Variants in MEI4 observed in about 807,000 individuals in gnomAD.
The protein encoded by MEI4 is meiosis-specific protein MEI4.
In MEI4, 27 loss-of-function variants were observed where a neutral mutation model predicts 31.4. The ratio of observed to expected loss-of-function variants is 0.86; its 90% CI spans 0.63 to 1.19. The LOEUF is 1.19. Ranked by LOEUF, MEI4 falls within the 50% of genes most tolerant of loss-of-function variation. The pLI, the probability that MEI4 is intolerant of heterozygous loss-of-function variation, is 0.00. For missense variants in MEI4, 329 were observed against 398.9 expected, an observed-to-expected ratio of 0.82 and a Z score of 1.49; for synonymous variants, 122 against 145.4, an observed-to-expected ratio of 0.84 and a Z score of 1.16.
chr6:77,695,227 G>A (rs1001827061), intron 2 of MEI4, among the ~76,000 whole-genome samples: 1 of 152,028 alleles, frequency 6.6e-6, no homozygotes, highest in African/African-American at 2.4e-5. Flanking sequence ...TGTTCACTCT[G>A]ATGGTAGTTT....
At chr6:77,867,268 A>G (rs1021156145) in intron 4 of MEI4, among the ~76,000 whole-genome samples, 1 of 152,218 alleles carries the variant, frequency 6.6e-6, no homozygotes, top group African/African-American at 2.4e-5. Flanking sequence ...AAAAGAAACT[A>G]CCATCAGAGT....
chr6:77,728,546 T>A (rs1393314722), intron 2 of MEI4, among the ~76,000 whole-genome samples: 1 of 152,174 alleles, frequency 6.6e-6, no homozygotes, highest in Admixed American at 6.5e-5. Flanking sequence ...AAAGTAAACC[T>A]GTAAGCAAGA....
At chr6:77,868,518 T>TAC (rs1771113232) in intron 4 of MEI4, among the ~76,000 whole-genome samples, 7 of 137,594 alleles carry the variant, frequency 5.1e-5, no homozygotes, top group African/African-American at 1.6e-4. Flanking sequence ...TATATATATA[T>TAC]ATATATATAT....
At chr6:77,748,950 C>A (rs1469296743) in intron 2 of MEI4, among the ~76,000 whole-genome samples, 11 of 152,150 alleles carry the variant, frequency 7.2e-5, no homozygotes, top group Non-Finnish European at 2.9e-5. Flanking sequence ...TTGCTGTTCT[C>A]CAGCCTCTGC....
intron 3 of MEI4, among the ~76,000 whole-genome samples, chr6:77,787,559 C>G (rs1768776206): frequency 6.6e-6 from 1 of 152,096 alleles, no homozygotes; most frequent in South Asian, 2.1e-4. Flanking sequence ...CAAGAGAAAG[C>G]TTTTATTGGC....
chr6:77,769,497 C>T (rs1383246749), intron 3 of MEI4, among the ~76,000 whole-genome samples: 2 of 152,128 alleles, frequency 1.3e-5, no homozygotes, highest in East Asian at 3.9e-4. Flanking sequence ...ACTTGGAGTG[C>T]ATGGAACCTA....
intron 3 of MEI4, among the ~76,000 whole-genome samples, chr6:77,819,332 GA>G (rs1351818944): frequency 6.6e-6 from 1 of 151,752 alleles, no homozygotes; most frequent in Non-Finnish European, 1.5e-5. Context: ...TTTTCTGAAT[GA>G]TTTTTTTCAC....
intron 4 of MEI4, among the ~76,000 whole-genome samples, chr6:77,918,772 C>T (rs1766628650): frequency 6.6e-6 from 1 of 151,836 alleles, no homozygotes; most frequent in African/African-American, 2.4e-5. Flanking sequence ...CCTTCTCCTG[C>T]CTAATTGCCC....
rs1249224544 is a variant in MEI4 at position 77,820,130 on chromosome 6, G to A, written c.769-8801G>A. 1.3e-5 allele frequency among the ~76,000 whole-genome samples: 2 copies of A among 151,950 alleles called. No homozygotes were observed. Among genetic ancestry groups the A allele is most frequent in the East Asian group, 1.9e-4 (1 of 5,200 alleles). ...GGATATGAGTTGTTTTGATAGAAACGAAACTGAAATATAAAAGTAAGTATT... is the reference window on the plus strand; with the variant it reads ...GGATATGAGTTGTTTTGATAGAAACAAAACTGAAATATAAAAGTAAGTATT... On this transcript the variant is annotated intron_variant, in intron 3 of 4. Coordinates refer to ENST00000684080, the MANE Select transcript of MEI4 (RefSeq NM_001322247.2). This position sits in a 1 kb window ranked among gnomAD's most constrained non-coding sequence, Gnocchi z 4.5.
intron 4 of MEI4, among the ~76,000 whole-genome samples, chr6:77,832,460 A>G (rs879833668): frequency 6.6e-6 from 1 of 152,024 alleles, no homozygotes; most frequent in Non-Finnish European, 1.5e-5. Context: ...TTCAATAATA[A>G]TTATTATCAT....
At position 77,680,115 on chromosome 6, in the gene MEI4, C is replaced by CAAAAA. The variant is rs1220251759; in HGVS notation, c.-14-10533_-14-10529dup. Among the ~76,000 whole-genome samples the CAAAAA allele has an allele frequency of 2.8e-4, 11 of 39,770 alleles. 3 individuals are homozygous for CAAAAA. Among genetic ancestry groups the CAAAAA allele is most frequent in the African/African-American group, 1.2e-3 (10 of 8,210 alleles). The allele number at this position is 39,770 out of a possible 152,430, so 26.1% of individuals were successfully genotyped here. A position where few individuals can be genotyped will look rare whatever the true frequency, so the allele number is the denominator to read the frequency against. Reference sequence around the variant, plus strand: ...TGAAACCCCGTCCCTACTAAAAATACAAAAAAAAAAAAAATTAGCTGGGCG... The same window carrying CAAAAA: ...TGAAACCCCGTCCCTACTAAAAATACAAAAAAAAAAAAAAAAAAATTAGCTGGGCG... On this transcript the variant is annotated intron_variant, in intron 1 of 4. Coordinates refer to ENST00000684080, the MANE Select transcript of MEI4 (RefSeq NM_001322247.2).
rs946717469 is a variant in MEI4 at position 77,761,671 on chromosome 6, TAATA to T, written c.768+10_768+13del. 3.3e-6 allele frequency: 4 copies of T among 1,226,822 alleles called. No individual in the cohort carries two copies. The highest frequency in any genetic ancestry group is 3.1e-6 in the Non-Finnish European group (3 of 983,346). The allele number at this position is 1,226,822 out of a possible 1,614,324, so 76.0% of individuals were successfully genotyped here. ...GAAACAATCATATAAATCAGGTGAGTAATAAATCCCTCTTTTATTCCTAAAATGC... is the reference window on the plus strand; with the variant it reads ...GAAACAATCATATAAATCAGGTGAGTAATCCCTCTTTTATTCCTAAAATGC... On this transcript the variant is annotated splice_region_variant and intron_variant, in intron 3 of 4. Transcript: ENST00000684080.
At chr6:77,736,080 C>A (rs867504874) in intron 2 of MEI4, among the ~76,000 whole-genome samples, 3 of 152,062 alleles carry the variant, frequency 2.0e-5, no homozygotes, top group Non-Finnish European at 2.9e-5. Flanking sequence ...TTACTGCTGT[C>A]TTTTTGTTTG....
At chr6:77,681,118 C>G (rs577774679) in intron 1 of MEI4, among the ~76,000 whole-genome samples, 2 of 152,162 alleles carry the variant, frequency 1.3e-5, no homozygotes, top group Non-Finnish European at 2.9e-5. Context: ...GGCCCTGGCT[C>G]AGCTGGTCCT....
At chr6:77,739,399 T>G (rs995337585) in intron 2 of MEI4, among the ~76,000 whole-genome samples, 2 of 152,148 alleles carry the variant, frequency 1.3e-5, no homozygotes, top group Non-Finnish European at 2.9e-5. Context: ...AGCCATAGAA[T>G]AGAATGAGTT....
intron 2 of MEI4, among the ~76,000 whole-genome samples, chr6:77,741,499 G>A (rs1219935822): frequency 2.0e-5 from 3 of 152,136 alleles, no homozygotes; most frequent in Admixed American, 6.5e-5. Context: ...TAAAGTAGTG[G>A]AAGGGACTAG....
At chr6:77,837,317 A>G (rs776736015) in intron 4 of MEI4, among the ~76,000 whole-genome samples, 5 of 152,206 alleles carry the variant, frequency 3.3e-5, no homozygotes, top group Non-Finnish European at 7.4e-5. Context: ...TAAAGGTTCT[A>G]GAATGAATTG....
Position 77,748,754 on chromosome 6 carries a change from GCT to G in MEI4, c.233-12373_233-12372del, listed in dbSNP as rs553924864. On this transcript the variant is annotated intron_variant, in intron 2 of 4. Transcript: ENST00000684080. ...GGCTGCAAATTTTCTAAACTTTTAT[GCT>G]CTGTCACCTCTTGAATGCTTTGCTG... Among the ~76,000 whole-genome samples the G allele has an allele frequency of 2.0e-5, 3 of 152,236 alleles. No homozygotes were observed. The South Asian group carries it at 6.2e-4, about 32-fold the overall frequency.
At chr6:77,733,415 A>G (rs917444936) in intron 2 of MEI4, among the ~76,000 whole-genome samples, 8 of 152,082 alleles carry the variant, frequency 5.3e-5, no homozygotes, top group African/African-American at 1.9e-4. Flanking sequence ...TTATTTGCGT[A>G]GAGGTGTTCG....
Sources: gnomAD v4.1 joint callset for allele counts (sites outside exome capture counted in the v4.1 genomes callset) on GRCh38, gnomAD v4.1.1 for gene constraint, Gnocchi (gnomAD v3.1) non-coding constraint, MANE v1.5 for transcripts, NCBI Gene and HGNC (gene_info 2026-07-23, HGNC 2026-07-21) for gene names.